The following POLA1 variants were observed in gnomAD, a reference collection of about 807,000 sequenced individuals.
The protein encoded by POLA1 is DNA polymerase alpha catalytic subunit.
POLA1 carries 15 observed loss-of-function variants against 124.0 expected under a neutral mutation model. That is an observed-to-expected ratio of 0.12 (90% CI 0.08 to 0.19). POLA1 has a LOEUF of 0.19. Among genes scored for constraint, POLA1 ranks in the 10% least tolerant of loss-of-function variants. The pLI, the probability that POLA1 is intolerant of heterozygous loss-of-function variation, is 1.00. For missense variants in POLA1, 886 were observed against 1,103.4 expected, an observed-to-expected ratio of 0.80 and a Z score of 2.79; for synonymous variants, 408 against 389.4, an observed-to-expected ratio of 1.05 and a Z score of -0.56.
At chrX:24,947,885 C>T (rs934972681) in intron 36 of POLA1, among the ~76,000 whole-genome samples, 7 of 112,032 alleles carry the variant, frequency 6.2e-5, no homozygotes, top group Non-Finnish European at 1.3e-4. Flanking sequence ...TTGAGTGTAA[C>T]CTGCAAGATA....
At chrX:24,812,162 T>C (rs1444402894) in intron 28 of POLA1, among the ~76,000 whole-genome samples, 13 of 112,598 alleles carry the variant, frequency 1.2e-4, no homozygotes, top group Non-Finnish European at 7.5e-5. Flanking sequence ...GAGGACTCTT[T>C]ATTTGTTCAG....
intron 35 of POLA1, among the ~76,000 whole-genome samples, chrX:24,912,346 TAAAAG>T (rs903044708): frequency 1.8e-5 from 2 of 111,944 alleles, no homozygotes; most frequent in African/African-American, 6.5e-5. Flanking sequence ...TTGTGATCCA[TAAAAG>T]AAAAATGTTG....
chrX:24,925,765 G>T (rs2047680979), intron 35 of POLA1, among the ~76,000 whole-genome samples: 1 of 111,473 alleles, frequency 9.0e-6, no homozygotes, highest in Non-Finnish European at 1.9e-5. Flanking sequence ...TTGTTTGTTT[G>T]TTTTGAGATG....
chrX:24,899,039 A>C (rs1353512970), intron 35 of POLA1, among the ~76,000 whole-genome samples: 2 of 111,144 alleles, frequency 1.8e-5, no homozygotes, highest in African/African-American at 6.5e-5. Context: ...AAATGTAATC[A>C]TATCAAGCCG....
chrX:24,909,012 T>A (rs1462335800), intron 35 of POLA1, among the ~76,000 whole-genome samples: 1 of 112,542 alleles, frequency 8.9e-6, no homozygotes, highest in African/African-American at 3.2e-5. Context: ...TTCATGTGTC[T>A]TTTGTCTGCA....
At chrX:24,939,440 GT>G (rs1317009117) in intron 36 of POLA1, among the ~76,000 whole-genome samples, 1 of 111,668 alleles carries the variant, frequency 9.0e-6, no homozygotes, top group African/African-American at 3.3e-5. Flanking sequence ...TTTCCATGAT[GT>G]TTTTTACTAC....
At chrX:24,819,901 G>A (rs112951023) in intron 30 of POLA1, among the ~76,000 whole-genome samples, 1,359 of 111,496 alleles carry the variant, frequency 0.012, 8 homozygotes, top group South Asian at 0.03. Context: ...GTGAGAACAT[G>A]CGGTGTTTGG....
intron 36 of POLA1, among the ~76,000 whole-genome samples, chrX:24,931,652 T>G (rs1355840239): frequency 1.8e-5 from 2 of 112,191 alleles, no homozygotes; most frequent in African/African-American, 6.5e-5. Flanking sequence ...TTAGTAAAAT[T>G]TATACAGAGA....
At chrX:24,790,493 G>C (rs2045469866) in intron 26 of POLA1, among the ~76,000 whole-genome samples, 1 of 111,225 alleles carries the variant, frequency 9.0e-6, no homozygotes, top group Non-Finnish European at 1.9e-5. Flanking sequence ...GACACTGTTC[G>C]TTGCCTTTCT....
chrX:24,914,274 G>C (rs1363631108), intron 35 of POLA1, among the ~76,000 whole-genome samples: 1 of 110,000 alleles, frequency 9.1e-6, no homozygotes, highest in Non-Finnish European at 1.9e-5. Flanking sequence ...AATTTCTGTG[G>C]CCTGATAAGA....
At chrX:24,743,904 T>G (rs887697171) in intron 23 of POLA1, among the ~76,000 whole-genome samples, 4 of 110,012 alleles carry the variant, frequency 3.6e-5, no homozygotes, top group African/African-American at 1.3e-4. Flanking sequence ...TTTCTTTTTT[T>G]TTTTTGGAGA....
chrX:24,906,970 T>C (rs1438391832), intron 35 of POLA1, among the ~76,000 whole-genome samples: 1 of 111,305 alleles, frequency 9.0e-6, no homozygotes, highest in African/African-American at 3.3e-5. Context: ...GACAGTTCAC[T>C]TGAGGCCAGG....
At position 24,732,590 on chromosome X, in the gene POLA1, T is replaced by G. The variant is rs766438163; in HGVS notation, c.1771+136T>G. ...GTGCATATTGTTAAAGAGGGTTTTGTTTTTTTTTGTTTTTTTTTTTTTTGC... is the reference window on the plus strand; with the variant it reads ...GTGCATATTGTTAAAGAGGGTTTTGGTTTTTTTTGTTTTTTTTTTTTTTGC... On this transcript the variant is annotated intron_variant, in intron 16 of 36. Coordinates refer to ENST00000379068, the MANE Select transcript of POLA1 (RefSeq NM_001330360.2). 1.5e-4 allele frequency: 49 copies of G among 317,606 alleles called. 1 individual carries two copies. The highest frequency in any genetic ancestry group is 1.3e-3 in the East Asian group (26 of 20,172). 26.2% of individuals were successfully genotyped at this position (317,606 alleles called of 1,213,427 possible).
intron 35 of POLA1, among the ~76,000 whole-genome samples, chrX:24,912,077 C>A (rs932842287): frequency 3.6e-5 from 4 of 111,911 alleles, no homozygotes; most frequent in African/African-American, 1.3e-4. Context: ...ACAAGTGTGG[C>A]CATTTTATTT....
intron 26 of POLA1, among the ~76,000 whole-genome samples, chrX:24,780,552 A>G (rs2045241463): frequency 8.9e-6 from 1 of 111,912 alleles, no homozygotes; most frequent in Non-Finnish European, 1.9e-5. Context: ...TATTGAAGTG[A>G]TCATGAGATT....
At position 24,791,426 on chromosome X, in the gene POLA1, G is replaced by A. The variant is rs576966900; in HGVS notation, c.2965-18472G>A. On this transcript the variant is annotated intron_variant, in intron 26 of 36. Coordinates refer to ENST00000379068, the MANE Select transcript of POLA1 (RefSeq NM_001330360.2). ...TTTGGAGATGGAGTCTTGCCCTGTC[G>A]TCCAGGCTGGAGTGCAATGGCACGA... Among the ~76,000 whole-genome samples, 5 of 112,593 alleles carry A rather than the reference G, an allele frequency of 4.4e-5. No individual in the cohort carries two copies. The East Asian group carries it at 1.1e-3, about 25-fold the overall frequency.
chrX:24,749,002 G>A lies in POLA1; in HGVS notation c.2964+10G>A, dbSNP rs779273587. Reference sequence around the variant, plus strand: ...ATACAAAGGAAGGGAGGTAAATGGCGTAATAACATTCACATCTCTAGATAT... The same window carrying A: ...ATACAAAGGAAGGGAGGTAAATGGCATAATAACATTCACATCTCTAGATAT... On this transcript the variant is annotated intron_variant, in intron 26 of 36. Transcript: ENST00000379068. 55 of 1,178,396 alleles carry A rather than the reference G, an allele frequency of 4.7e-5. No individual in the cohort carries two copies. Among genetic ancestry groups the A allele is most frequent in the Non-Finnish European group, 6.0e-5 (52 of 866,803 alleles).
chrX:24,739,603 G>A (rs1015195694), intron 20 of POLA1, 53 bp downstream of exon 20: 12 of 778,419 alleles, frequency 1.5e-5, no homozygotes, highest in Middle Eastern at 3.8e-4. Context: ...ACAACAGCAG[G>A]ACACTACTAG....
At chrX:24,808,056 C>T (rs1267053124) in intron 26 of POLA1, among the ~76,000 whole-genome samples, 2 of 112,141 alleles carry the variant, frequency 1.8e-5, no homozygotes, top group Admixed American at 1.9e-4. Context: ...ATCGGAGAGG[C>T]ATTGAAAACA....
Sources: gnomAD v4.1 joint callset for allele counts (sites outside exome capture counted in the v4.1 genomes callset) on GRCh38, gnomAD v4.1.1 for gene constraint, MANE v1.5 for transcripts, NCBI Gene and HGNC (gene_info 2026-07-23, HGNC 2026-07-21) for gene names.